The following UMODL1 variants were observed in gnomAD, a reference collection of about 807,000 sequenced individuals.
The protein encoded by UMODL1 is uromodulin-like 1.
Under a neutral mutation model 136.3 loss-of-function variants are expected in UMODL1, and 128 were observed. The observed-to-expected ratio is 0.94, with a 90% confidence interval of 0.81 to 1.09. The LOEUF is 1.09. Ranked by LOEUF, UMODL1 falls within the 50% of genes least tolerant of loss-of-function variation. UMODL1 has a pLI of 0.00. For synonymous variants in UMODL1, 721 were observed against 720.0 expected, an observed-to-expected ratio of 1.00 and a Z score of -0.02; for missense variants, 1,766 against 1,725.6, an observed-to-expected ratio of 1.02 and a Z score of -0.41.
intron 2 of UMODL1, among the ~76,000 whole-genome samples, chr21:42,082,565 A>G (rs1352815332): frequency 1.3e-5 from 2 of 152,164 alleles, no homozygotes; most frequent in African/African-American, 4.8e-5. Context: ...TATGGAGGCC[A>G]CAGAGCTGGG....
intron 21 of UMODL1, among the ~76,000 whole-genome samples, chr21:42,130,689 G>T (rs190195303): frequency 1.3e-5 from 2 of 152,282 alleles, no homozygotes; most frequent in East Asian, 3.9e-4. Context: ...CTTAAAAGAC[G>T]TCTGTGCCTA....
chr21:42,070,843 G>A (rs1482798837), upstream of UMODL1, among the ~76,000 whole-genome samples: 1 of 152,220 alleles, frequency 6.6e-6, no homozygotes, highest in African/African-American at 2.4e-5. Context: ...GTGCATTGTG[G>A]AACCGTGTGA....
intron 3 of UMODL1, among the ~76,000 whole-genome samples, chr21:42,084,468 C>A (rs2066402153): frequency 6.6e-6 from 1 of 152,132 alleles, no homozygotes; most frequent in African/African-American, 2.4e-5. Context: ...CTCTTAGGGG[C>A]CCTGAAATGG....
Position 42,122,951 on chromosome 21 carries a change from T to C in UMODL1, c.2948T>C (p.Leu983Pro). The C allele has an allele frequency of 6.2e-7, 1 of 1,614,052 alleles. No homozygotes were observed. Among genetic ancestry groups the C allele is most frequent in the East Asian group, 2.2e-5 (1 of 44,886 alleles). Residue 983 changes from leucine to proline, a missense_variant, in exon 17 of 23, where the codon CTG (leucine) becomes CCG (proline). Leu to Pro is a moderately conservative substitution (Grantham distance 98). Coordinates refer to ENST00000408910, the MANE Select transcript of UMODL1 (RefSeq NM_001004416.3). This position sits in a 1 kb window ranked among gnomAD's most constrained non-coding sequence, Gnocchi z 4.3. ...ACCCCCCAAGGCCTGCCCCAGCGGC[T>C]GAACCTGACCGGAGCAGTCAGGGTG... ...SPTPQGLPQR[L>P]NLTGAVRVLC... is the part of the protein sequence containing the mutation.
chr21:42,083,028 T>G (rs939036410), intron 2 of UMODL1, among the ~76,000 whole-genome samples: 7 of 152,206 alleles, frequency 4.6e-5, no homozygotes, highest in African/African-American at 1.7e-4. Flanking sequence ...GGTTGGCCTC[T>G]TGCCTTCCTC....
chr21:42,108,429 T>A (rs1386457766), intron 9 of UMODL1: 1 of 478,470 alleles, frequency 2.1e-6, no homozygotes, highest in African/African-American at 2.0e-5. Flanking sequence ...AGCTTGCTGT[T>A]CTCCAGGGAA....
At chr21:42,094,548 T>G (rs2066530820) in intron 6 of UMODL1, among the ~76,000 whole-genome samples, 2 of 152,132 alleles carry the variant, frequency 1.3e-5, no homozygotes, top group Non-Finnish European at 2.9e-5. Context: ...GAGCATCATT[T>G]TCTAGGGCCA....
intron 22 of UMODL1, among the ~76,000 whole-genome samples, chr21:42,141,005 C>G (rs939541630): frequency 8.9e-4 from 136 of 152,334 alleles, no homozygotes; most frequent in African/African-American, 3.0e-3. Flanking sequence ...CAGCCCGCCC[C>G]CTCTTCGTCA....
At position 42,111,521 on chromosome 21, in the gene UMODL1, A is replaced by G; in HGVS notation, c.1915A>G (p.Ile639Val). The stretch of plus-strand genomic sequence containing the variant: ...CCCTGGACAGCTACAGGGAAACTCC[A>G]TCATGGAGCCACCCTCCTGGCCTTC... ...GVEQELQGNS[I>V]MEPPSWPSPT... is the part of the protein sequence containing the mutation. The change falls in exon 12 of 23, where the codon ATC (isoleucine) becomes GTC (valine). Residue 639 changes from isoleucine (I) to valine (V), a missense_variant. Physicochemically the swap from Ile to Val is conservative, Grantham distance 29. Transcript: ENST00000408910. 6.2e-7 allele frequency: 1 copy of G among 1,613,744 alleles called. No homozygotes were observed. Among genetic ancestry groups the G allele is most frequent in the Non-Finnish European group, 8.5e-7 (1 of 1,179,754 alleles).
In UMODL1 at chr21:42,131,066, G is replaced by A. The variant is rs1453663998; in HGVS notation, c.3775+1269G>A. 4.6e-5 allele frequency among the ~76,000 whole-genome samples: 7 copies of A among 152,052 alleles called. No homozygotes were observed. In the East Asian group the frequency reaches 1.3e-3, roughly 29 times the overall value. ...CTGACCTCATGATTTGCCCACCTCG[G>A]CCTCCCAAAGTGCTAGGATTACAGG... On this transcript the variant is annotated intron_variant, in intron 21 of 22. Transcript: ENST00000408910.
At chr21:42,109,053 G>T (rs1368186657) in intron 9 of UMODL1, among the ~76,000 whole-genome samples, 1 of 121,838 alleles carries the variant, frequency 8.2e-6, no homozygotes, top group South Asian at 2.9e-4. Context: ...CACCCCCGGC[G>T]TGGAAAGCTG....
At chr21:42,107,983 G>A (rs1338408451) in intron 9 of UMODL1, among the ~76,000 whole-genome samples, 1 of 152,242 alleles carries the variant, frequency 6.6e-6, no homozygotes, top group African/African-American at 2.4e-5. Flanking sequence ...GCCAGCCCGG[G>A]AGGGTGCAGA....
intron 1 of UMODL1, among the ~76,000 whole-genome samples, chr21:42,074,106 C>A (rs2066261041): frequency 1.3e-5 from 2 of 152,192 alleles, no homozygotes; most frequent in Non-Finnish European, 2.9e-5. Context: ...TGGATTCGGT[C>A]ACAGGTCTGG....
Position 42,115,574 on chromosome 21 carries a change from A to G in UMODL1, c.2363-299A>G, listed in dbSNP as rs2066891959. Among the ~76,000 whole-genome samples the G allele has an allele frequency of 2.6e-5, 4 of 152,214 alleles. No individual in the cohort carries two copies. In the South Asian group the frequency reaches 8.3e-4, roughly 31 times the overall value. ...CTTGCTGGGAAATTGTCTGAACCCC[A>G]GCATGGGGGAACGGCAGCAAGGAAG... On this transcript the variant is annotated intron_variant, in intron 13 of 22. Coordinates refer to ENST00000408910, the MANE Select transcript of UMODL1 (RefSeq NM_001004416.3).
chr21:42,077,647 T>C (rs539534674), intron 2 of UMODL1, among the ~76,000 whole-genome samples: 19 of 152,224 alleles, frequency 1.2e-4, no homozygotes, highest in Non-Finnish European at 2.4e-4. Context: ...TCTTATCAGT[T>C]AACTGCATTC....
upstream of UMODL1, among the ~76,000 whole-genome samples, chr21:42,066,321 C>T (rs1485944677): frequency 6.6e-6 from 1 of 152,232 alleles, no homozygotes; most frequent in South Asian, 2.1e-4. Flanking sequence ...CTCGCTCTGT[C>T]GCCCAGGCTG....
At chr21:42,066,799 G>T (rs917291533), upstream of UMODL1, among the ~76,000 whole-genome samples, 1 of 152,210 alleles carries the variant, frequency 6.6e-6, no homozygotes, top group Non-Finnish European at 1.5e-5. Flanking sequence ...CACGCATGCA[G>T]TTAGTTGTAC....
chr21:42,109,137 A>ACCCCCCCC (rs2066778049), intron 9 of UMODL1, among the ~76,000 whole-genome samples: 1 of 90,536 alleles, frequency 1.1e-5, no homozygotes, highest in East Asian at 4.0e-4. Context: ...CCCACCCCCC[A>ACCCCCCCC]TGCGGAAAGT....
At chr21:42,084,312 G>C in intron 3 of UMODL1, 67 bp downstream of exon 3, 1 of 1,541,374 alleles carries the variant, frequency 6.5e-7, no homozygotes, top group Non-Finnish European at 8.7e-7. Flanking sequence ...CCTGATCTGT[G>C]TGAAGGTGTG....
Sources: gnomAD v4.1 joint callset for allele counts (sites outside exome capture counted in the v4.1 genomes callset) on GRCh38, gnomAD v4.1.1 for gene constraint, Gnocchi (gnomAD v3.1) non-coding constraint, MANE v1.5 for transcripts, NCBI Gene and HGNC (gene_info 2026-07-23, HGNC 2026-07-21) for gene names.